Variants in CSMD1 observed in about 807,000 individuals in gnomAD.
CSMD1 encodes the protein CUB and sushi domain-containing protein 1.
Under a neutral mutation model 417.5 loss-of-function variants are expected in CSMD1, and 213 were observed. That is an observed-to-expected ratio of 0.51 (90% CI 0.46 to 0.57). CSMD1 has a LOEUF of 0.57. Among genes scored for constraint, CSMD1 ranks in the 20% least tolerant of loss-of-function variants. The pLI, the probability that CSMD1 is intolerant of heterozygous loss-of-function variation, is 0.00. For missense variants in CSMD1, 6,923 were observed against 4,529.7 expected (o/e 1.53, Z -15.17); for synonymous variants, 2,862 against 1,736.8 (o/e 1.65, Z -16.11).
At chr8:4,911,663 C>T (rs1416527385) in intron 1 of CSMD1, among the ~76,000 whole-genome samples, 2 of 152,272 alleles carry the variant, frequency 1.3e-5, no homozygotes, top group East Asian at 3.9e-4. Context: ...ATAACTACTT[C>T]GAAGTCTGCA....
At chr8:4,741,618 A>G (rs188573814) in intron 1 of CSMD1, among the ~76,000 whole-genome samples, 29 of 152,346 alleles carry the variant, frequency 1.9e-4, no homozygotes, top group African/African-American at 7.0e-4. Context: ...TTTGAGGAAC[A>G]GTAGGATGAC....
chr8:3,447,408 A>C (rs1262490009), intron 12 of CSMD1, among the ~76,000 whole-genome samples: 1 of 152,242 alleles, frequency 6.6e-6, no homozygotes, highest in Non-Finnish European at 1.5e-5. Flanking sequence ...GTTTTACCCA[A>C]AGATAAACCA....
At chr8:3,286,822 G>A (rs1803197646) in intron 25 of CSMD1, among the ~76,000 whole-genome samples, 1 of 152,102 alleles carries the variant, frequency 6.6e-6, no homozygotes, top group Admixed American at 6.6e-5. Flanking sequence ...AAGCTCTTTA[G>A]TTTATTTAGA....
chr8:4,939,129 G>C (rs984049821), intron 1 of CSMD1, among the ~76,000 whole-genome samples: 1 of 152,100 alleles, frequency 6.6e-6, no homozygotes, highest in African/African-American at 2.4e-5. Flanking sequence ...TTGTGCAGAA[G>C]CTTTTTAGTT....
intron 2 of CSMD1, among the ~76,000 whole-genome samples, chr8:4,457,401 T>G (rs915340784): frequency 6.6e-6 from 1 of 152,116 alleles, no homozygotes; most frequent in Admixed American, 6.5e-5. Flanking sequence ...AGGAAGGGAA[T>G]GTTTACTAAA....
intron 10 of CSMD1, among the ~76,000 whole-genome samples, chr8:3,506,665 C>G (rs1303702542): frequency 6.6e-6 from 1 of 152,078 alleles, no homozygotes; most frequent in Non-Finnish European, 1.5e-5. Flanking sequence ...CAGTAAGTTT[C>G]TGGAATAAAT....
chr8:4,659,686 T>C (rs989980904), intron 1 of CSMD1, among the ~76,000 whole-genome samples: 7 of 152,130 alleles, frequency 4.6e-5, no homozygotes, highest in Non-Finnish European at 7.4e-5. Context: ...GGTTTCCTTT[T>C]TGGATGATAA....
intron 3 of CSMD1, among the ~76,000 whole-genome samples, chr8:4,194,480 C>G (rs1799216662): frequency 6.6e-6 from 1 of 152,110 alleles, no homozygotes; most frequent in Admixed American, 6.5e-5. Context: ...TGTCACTTTT[C>G]TAATAAATAG....
At chr8:3,789,371 GTTT>G (rs796831363) in intron 5 of CSMD1, among the ~76,000 whole-genome samples, 2 of 107,396 alleles carry the variant, frequency 1.9e-5, no homozygotes, top group African/African-American at 7.2e-5. Context: ...TATTGCTAGT[GTTT>G]TTTTTTTTAA....
At chr8:4,207,742 T>C (rs974557341) in intron 3 of CSMD1, among the ~76,000 whole-genome samples, 3 of 152,052 alleles carry the variant, frequency 2.0e-5, no homozygotes, top group Non-Finnish European at 2.9e-5. Flanking sequence ...CAGTAGATAC[T>C]GTAACATTTC....
intron 1 of CSMD1, among the ~76,000 whole-genome samples, chr8:4,913,234 G>A (rs779787290): frequency 6.6e-6 from 1 of 152,150 alleles, no homozygotes; most frequent in African/African-American, 2.4e-5. Flanking sequence ...CCCAAACTCC[G>A]TCACGCAACA....
At chr8:3,480,347 T>A (rs887033884) in intron 11 of CSMD1, among the ~76,000 whole-genome samples, 1 of 151,942 alleles carries the variant, frequency 6.6e-6, no homozygotes, top group Non-Finnish European at 1.5e-5. Context: ...CCTGGAGCAA[T>A]GGAGAAAGAC....
chr8:3,017,655 T>G (rs1447126701), intron 52 of CSMD1, among the ~76,000 whole-genome samples: 1 of 152,008 alleles, frequency 6.6e-6, no homozygotes, highest in Non-Finnish European at 1.5e-5. Context: ...ACTACTGTCC[T>G]TTCATCTTGT....
intron 1 of CSMD1, among the ~76,000 whole-genome samples, chr8:4,641,670 C>A (rs1042657849): frequency 1.3e-5 from 2 of 152,170 alleles, no homozygotes; most frequent in African/African-American, 4.8e-5. Context: ...CACGAACAAA[C>A]ACAGCAGGCA....
Position 4,961,253 on chromosome 8 carries a change from C to T in CSMD1, c.85+33079G>A, listed in dbSNP as rs555466153. The stretch of plus-strand genomic sequence containing the variant: ...TAACACTTCTGCAGTTATATAAAAT[C>T]CTCAAAATATTTTATCCCATCAAAC... On this transcript the variant is annotated intron_variant, in intron 1 of 69. Coordinates refer to ENST00000635120, the MANE Select transcript of CSMD1 (RefSeq NM_033225.6). Among the ~76,000 whole-genome samples, 3 of 152,178 alleles carry T rather than the reference C, an allele frequency of 2.0e-5. No individual in the cohort carries two copies. The South Asian group carries it at 6.2e-4, about 32-fold the overall frequency.
intron 2 of CSMD1, among the ~76,000 whole-genome samples, chr8:4,489,684 C>A (rs1295525462): frequency 6.6e-6 from 1 of 152,170 alleles, no homozygotes; most frequent in Non-Finnish European, 1.5e-5. Flanking sequence ...TATGTTTGAT[C>A]TGGCAGGTGA....
intron 5 of CSMD1, among the ~76,000 whole-genome samples, chr8:3,979,951 A>T (rs1813727436): frequency 6.6e-6 from 1 of 152,220 alleles, no homozygotes; most frequent in South Asian, 2.1e-4. Flanking sequence ...CTATAGCTTC[A>T]GCCAACACTG....
intron 3 of CSMD1, among the ~76,000 whole-genome samples, chr8:4,321,866 T>C (rs895951340): frequency 2.0e-5 from 3 of 152,136 alleles, no homozygotes; most frequent in African/African-American, 4.8e-5. Context: ...TCAGAAGAAA[T>C]GAATAAATAA....
chr8:3,273,566 C>T (rs1041717704), intron 26 of CSMD1, among the ~76,000 whole-genome samples: 4 of 152,176 alleles, frequency 2.6e-5, no homozygotes, highest in African/African-American at 9.7e-5. Context: ...TGGTCCTGCA[C>T]TCTTTTTCGT....
Sources: allele counts gnomAD v4.1 joint callset (sites outside exome capture counted in the v4.1 genomes callset), GRCh38; gene constraint gnomAD v4.1.1; transcripts MANE v1.5; gene names NCBI Gene and HGNC (gene_info 2026-07-23, HGNC 2026-07-21).